DDHD1: variants seen among roughly 807,000 people sequenced by gnomAD.
DDHD1 encodes the protein DDHD domain containing 1, also known as phospholipase DDHD1.
In DDHD1, 49 loss-of-function variants were observed where a neutral mutation model predicts 96.4. The ratio of observed to expected loss-of-function variants is 0.51; its 90% CI spans 0.40 to 0.64. The LOEUF (loss-of-function observed/expected upper bound fraction) is 0.64, where lower values mean the gene tolerates loss of function less well. DDHD1 is among the 30% of genes least tolerant of loss of function. DDHD1 has a pLI of 0.00. For missense variants in DDHD1, 1,106 were observed against 1,161.2 expected, an observed-to-expected ratio of 0.95 and a Z score of 0.69; for synonymous variants, 442 against 446.5, an observed-to-expected ratio of 0.99 and a Z score of 0.13.
chr14:53,079,737 A>G (rs968807049), intron 4 of DDHD1, among the ~76,000 whole-genome samples: 8 of 152,176 alleles, frequency 5.3e-5, no homozygotes. Context: ...CCTATTTTAC[A>G]ACTGCATACT....
intron 9 of DDHD1, 24 bp from the exon 10 acceptor site, chr14:53,055,936 A>T: frequency 6.3e-7 from 1 of 1,586,898 alleles, no homozygotes; most frequent in Non-Finnish European, 8.6e-7. Flanking sequence ...AAAAAATTCA[A>T]AGAAACACAG....
At chr14:53,087,522 C>T (rs1397535641) in intron 4 of DDHD1, among the ~76,000 whole-genome samples, 2 of 152,164 alleles carry the variant, frequency 1.3e-5, no homozygotes, top group Non-Finnish European at 2.9e-5. Context: ...CAAAACCACA[C>T]AAATACATGG....
intron 1 of DDHD1, among the ~76,000 whole-genome samples, chr14:53,111,536 C>CT (rs1268522680): frequency 1.3e-5 from 2 of 152,080 alleles, no homozygotes; most frequent in East Asian, 3.9e-4. Context: ...GTACTGTAGA[C>CT]TTTGAGTTTT....
intron 4 of DDHD1, among the ~76,000 whole-genome samples, chr14:53,085,342 T>A (rs547158012): frequency 6.6e-6 from 1 of 152,276 alleles, no homozygotes; most frequent in East Asian, 1.9e-4. Context: ...CTGACCCCTA[T>A]GCAGCCTAAC....
Position 53,152,835 on chromosome 14 carries a change from G to A in DDHD1, c.264C>T (p.Asn88=). Residue 88 remains asparagine (N), a synonymous_variant, in exon 1 of 13, where the codon AAC becomes AAT. Transcript: ENST00000673822. The part of the protein sequence containing the change: ...LALDPCLSDE[N]YDFSSAESGS... ...CCGACTCGGCGGAGCTGAAGTCATA[G>A]TTCTCGTCACTGAGGCAGGGGTCCA... 6.2e-7 allele frequency: 1 copy of A among 1,612,576 alleles called. No individual in the cohort carries two copies. The highest frequency in any genetic ancestry group is 8.5e-7 in the Non-Finnish European group (1 of 1,179,452).
rs761487785 is a variant in DDHD1, at chr14:53,152,775, G to GCCGCCT, written c.323_324insAGGCGG (p.Ser108delinsArgGlyGly). On this transcript the variant is annotated protein_altering_variant, in exon 1 of 13. Coordinates refer to ENST00000673822, the MANE Select transcript of DDHD1 (RefSeq NM_001160148.2). ...GCGACAAGGAGCTGCCGCCGCCGCC[G>GCCGCCT]CTCTCACCCTCGCTGTAGTAGCGCA... is the stretch of plus-strand genomic sequence containing the variant. The GCCGCCT allele has an allele frequency of 6.2e-7, 1 of 1,604,136 alleles. No homozygotes were observed. The highest frequency in any genetic ancestry group is 8.5e-7 in the Non-Finnish European group (1 of 1,176,560).
chr14:53,140,541 CA>C (rs1301679653), intron 1 of DDHD1, among the ~76,000 whole-genome samples: 2 of 151,950 alleles, frequency 1.3e-5, no homozygotes, highest in Non-Finnish European at 2.9e-5. Flanking sequence ...AAAAAATAAA[CA>C]ACCAACCAAA....
chr14:53,148,859 T>C (rs889783267), intron 1 of DDHD1, among the ~76,000 whole-genome samples: 3 of 152,222 alleles, frequency 2.0e-5, no homozygotes, highest in African/African-American at 4.8e-5. Context: ...GACCCACATA[T>C]AGTTAACACC....
intron 1 of DDHD1, among the ~76,000 whole-genome samples, chr14:53,138,304 C>T (rs1890382747): frequency 6.6e-6 from 1 of 152,088 alleles, no homozygotes; most frequent in African/African-American, 2.4e-5. Context: ...ACTTGGGAGG[C>T]TGAGGCAGGA....
intron 1 of DDHD1, among the ~76,000 whole-genome samples, chr14:53,109,470 C>T (rs1188147849): frequency 6.6e-6 from 1 of 152,204 alleles, no homozygotes; most frequent in Non-Finnish European, 1.5e-5. Context: ...GTAGCAGCAA[C>T]AGGAACCATT....
rs1246545384 is a variant in DDHD1 at position 53,044,647 on chromosome 14, G to A, written c.*2121C>T. ...GAATCTCTAAGTTAGAGATAATTTA[G>A]CTTTGCTAAGATTTCATCAAAAGCC... On this transcript the variant is annotated 3_prime_UTR_variant, in exon 13 of 13. Transcript: ENST00000673822. 1 of 152,170 alleles carries A rather than the reference G, an allele frequency of 6.6e-6. No homozygotes were observed. The highest frequency in any genetic ancestry group is 2.4e-5 in the African/African-American group (1 of 41,442). The allele number at this position is 152,170 out of a possible 1,614,324, so 9.4% of individuals were successfully genotyped here. A position where few individuals can be genotyped will look rare whatever the true frequency, so the allele number is the denominator to read the frequency against.
At chr14:53,115,963 G>A (rs369939662) in intron 1 of DDHD1, among the ~76,000 whole-genome samples, 3 of 152,178 alleles carry the variant, frequency 2.0e-5, no homozygotes, top group African/African-American at 7.2e-5. Context: ...CCATTGGTGT[G>A]CTGTATTCAA....
chr14:53,069,855 A>C (rs756813655), intron 6 of DDHD1, among the ~76,000 whole-genome samples: 31 of 152,126 alleles, frequency 2.0e-4, no homozygotes, highest in Non-Finnish European at 4.1e-4. Flanking sequence ...ATTGCTGATG[A>C]ATCTCAGTCA....
intron 1 of DDHD1, among the ~76,000 whole-genome samples, chr14:53,143,776 A>T (rs1178799713): frequency 6.6e-6 from 1 of 152,240 alleles, no homozygotes; most frequent in East Asian, 1.9e-4. Flanking sequence ...GGATCTAAGA[A>T]CATAAAGTAC....
Position 53,072,667 on chromosome 14 carries a change from C to T in DDHD1, c.1433G>A (p.Gly478Asp). The change falls in exon 6 of 13, where the codon GGT becomes GAT. Residue 478 changes from glycine to aspartate, a missense_variant. By Grantham distance (94) the Gly-to-Asp change is moderately conservative (BLOSUM62 -1). Transcript: ENST00000673822. Reference sequence around the variant, plus strand: ...ACTGCTGTTCAGCATATCCCTTAAACCTCGTACTTTGTCAGGAGTAATGGA... The same window carrying T: ...ACTGCTGTTCAGCATATCCCTTAAATCTCGTACTTTGTCAGGAGTAATGGA... ...VDSITPDKVR[G>D]LRDMLNSSAM... is the part of the protein sequence containing the mutation. 4 of 1,610,310 alleles carry T rather than the reference C, an allele frequency of 2.5e-6. No homozygotes were observed. Among genetic ancestry groups the T allele is most frequent in the Non-Finnish European group, 2.5e-6 (3 of 1,177,554 alleles).
At chr14:53,112,269 T>C (rs562119564) in intron 1 of DDHD1, among the ~76,000 whole-genome samples, 2 of 152,034 alleles carry the variant, frequency 1.3e-5, no homozygotes, top group African/African-American at 4.8e-5. Flanking sequence ...ATACAAAAAT[T>C]AGCTGGGCAT....
At position 53,044,326 on chromosome 14, in the gene DDHD1, TG is replaced by T. The variant is rs1881863571; in HGVS notation, c.*2441del. On this transcript the variant is annotated 3_prime_UTR_variant, in exon 13 of 13. Coordinates refer to ENST00000673822, the MANE Select transcript of DDHD1 (RefSeq NM_001160148.2). ...GTTAAATTTGACTGTTTTCTCAACATGAAAAAAAGGAAGCAGACATATTCCT... is the reference window on the plus strand; with the variant it reads ...GTTAAATTTGACTGTTTTCTCAACATAAAAAAAGGAAGCAGACATATTCCT... The T allele has an allele frequency of 6.6e-6, 1 of 152,054 alleles. No homozygotes were observed. The highest frequency in any genetic ancestry group is 1.5e-5 in the Non-Finnish European group (1 of 67,988). 9.4% of individuals were successfully genotyped at this position (152,054 alleles called of 1,614,324 possible). A position where few individuals can be genotyped will look rare whatever the true frequency, so the allele number is the denominator to read the frequency against.
In DDHD1 at chr14:53,153,070, C is replaced by T; in HGVS notation, c.29G>A (p.Arg10Gln). The T allele has an allele frequency of 6.9e-7, 1 of 1,457,014 alleles. No individual in the cohort carries two copies. The highest frequency in any genetic ancestry group is 1.4e-5 in the South Asian group (1 of 71,878). 90.3% of individuals were successfully genotyped at this position (1,457,014 alleles called of 1,614,324 possible). Residue 10 changes from arginine to glutamine, a missense_variant, in exon 1 of 13, where the codon CGG becomes CAG. Transcript: ENST00000673822. ...GCCTCGGCCGTTATGCTCGGGGCTC[C>T]GTGGGGACCCGCGGCCCGGGTAATT... MNYPGRGSP[R>Q]SPEHNGRGGG...
chr14:53,126,076 T>C (rs771531760), intron 1 of DDHD1, among the ~76,000 whole-genome samples: 2 of 152,194 alleles, frequency 1.3e-5, no homozygotes, highest in African/African-American at 4.8e-5. Flanking sequence ...ATATGTACTT[T>C]AAGTTCTTCA....
Sources: gnomAD v4.1 joint callset for allele counts (sites outside exome capture counted in the v4.1 genomes callset) on GRCh38, gnomAD v4.1.1 for gene constraint, MANE v1.5 for transcripts, NCBI Gene and HGNC (gene_info 2026-07-23, HGNC 2026-07-21) for gene names.